Variants in ASAP1 observed in about 807,000 individuals in gnomAD.
ASAP1 encodes arf-GAP with SH3 domain, ANK repeat and PH domain-containing protein 1.
Under a neutral mutation model 145.2 loss-of-function variants are expected in ASAP1, and 43 were observed. The observed-to-expected ratio is 0.30, with a 90% CI of 0.23 to 0.38. The LOEUF is 0.38. ASAP1 is among the 10% of genes least tolerant of loss of function. The probability of loss-of-function intolerance (pLI) is 1.00; values close to 1 mark genes in which losing one functional copy is unlikely to be tolerated. For synonymous variants in ASAP1, 546 were observed against 515.5 expected (o/e 1.06, Z -0.80); for missense variants, 1,018 against 1,355.3 (o/e 0.75, Z 3.91).
intron 18 of ASAP1, among the ~76,000 whole-genome samples, chr8:130,120,565 C>A (rs896071711): frequency 6.6e-6 from 1 of 152,174 alleles, no homozygotes; most frequent in Non-Finnish European, 1.5e-5. Flanking sequence ...CTTAAAGATG[C>A]AAAGTTGCGG....
intron 3 of ASAP1, among the ~76,000 whole-genome samples, chr8:130,264,806 G>A (rs1284489794): frequency 1.3e-5 from 2 of 152,104 alleles, no homozygotes; most frequent in Non-Finnish European, 2.9e-5. Context: ...GTCAACACAC[G>A]ATGATCACTA....
intron 2 of ASAP1, among the ~76,000 whole-genome samples, chr8:130,369,077 G>T (rs879847683): frequency 1.3e-5 from 2 of 152,196 alleles, no homozygotes; most frequent in African/African-American, 2.4e-5. Context: ...TCAAAGGATT[G>T]TTATACAGAA....
chr8:130,323,799 C>T (rs1344957876), intron 3 of ASAP1, among the ~76,000 whole-genome samples: 1 of 152,186 alleles, frequency 6.6e-6, no homozygotes, highest in Non-Finnish European at 1.5e-5. Flanking sequence ...CAATAAGCAT[C>T]TCCCCTCTAG....
At chr8:130,237,840 A>C (rs1412329117) in intron 3 of ASAP1, among the ~76,000 whole-genome samples, 9 of 152,138 alleles carry the variant, frequency 5.9e-5, no homozygotes, top group Non-Finnish European at 1.3e-4. Flanking sequence ...CACTGGACTA[A>C]CTTGTTAAAA....
chr8:130,122,023 C>T (rs940968990), intron 18 of ASAP1, among the ~76,000 whole-genome samples: 3 of 152,050 alleles, frequency 2.0e-5, no homozygotes, highest in African/African-American at 4.8e-5. Context: ...TGCCTTACTG[C>T]CCCTTGGGGC....
Position 130,115,635 on chromosome 8 carries a change from T to A in ASAP1, c.2165A>T (p.Asp722Val). ...EEIDESDDDL[D>V]DKPSPIKKER... Reference sequence around the variant, plus strand: ...GACATAATTTACACTCACTTTGTCATCCAGATCATCATCGCTCTCATCTAT... The same window carrying A: ...GACATAATTTACACTCACTTTGTCAACCAGATCATCATCGCTCTCATCTAT... The change falls in exon 23 of 30, where the codon GAT becomes GTT. Residue 722 changes from aspartate to valine, a missense_variant. Asp to Val is a radical substitution (Grantham distance 152). This residue lies in a region of ASAP1 where 353 missense variants were observed against 375.4 expected (regional missense o/e 0.94). Coordinates refer to ENST00000518721, the MANE Select transcript of ASAP1 (RefSeq NM_018482.4). 1 of 1,612,708 alleles carries A rather than the reference T, an allele frequency of 6.2e-7. No individual in the cohort carries two copies. Among genetic ancestry groups the A allele is most frequent in the Non-Finnish European group, 8.5e-7 (1 of 1,178,756 alleles).
rs185075424 is a variant in ASAP1 at position 130,430,332 on chromosome 8, T to C, written c.-28+13128A>G. ...AAACCTGTGTGTTTGTACGTACGTA[T>C]GTGTTAGGATGGCACTTTAATGTAT... On this transcript the variant is annotated intron_variant, in intron 1 of 29. Coordinates refer to ENST00000518721, the MANE Select transcript of ASAP1 (RefSeq NM_018482.4). 8.2e-3 allele frequency among the ~76,000 whole-genome samples: 1,256 copies of C among 152,354 alleles called. 7 individuals carry two copies. Among genetic ancestry groups the C allele is most frequent in the Non-Finnish European group, 0.014 (984 of 68,044 alleles).
At chr8:130,270,757 G>GA (rs1197884665) in intron 3 of ASAP1, among the ~76,000 whole-genome samples, 1 of 152,116 alleles carries the variant, frequency 6.6e-6, no homozygotes, top group Admixed American at 6.5e-5. Context: ...AAGCTGCTGG[G>GA]AAAAAACAGT....
At chr8:130,293,931 T>C (rs1329093145) in intron 3 of ASAP1, among the ~76,000 whole-genome samples, 1 of 152,160 alleles carries the variant, frequency 6.6e-6, no homozygotes. Context: ...AAACAGACTT[T>C]CCTCCTGCCA....
At chr8:130,245,632 T>G (rs1189271482) in intron 3 of ASAP1, among the ~76,000 whole-genome samples, 1 of 152,200 alleles carries the variant, frequency 6.6e-6, no homozygotes, top group East Asian at 1.9e-4. Flanking sequence ...TCTGCTCTCC[T>G]ACGTAGGCAT....
At chr8:130,255,242 G>A (rs1216237292) in intron 3 of ASAP1, among the ~76,000 whole-genome samples, 11 of 152,126 alleles carry the variant, frequency 7.2e-5, no homozygotes, top group Non-Finnish European at 4.4e-5. Flanking sequence ...AAAACTCCAA[G>A]ACAAGTTCCT....
chr8:130,089,508 C>A (rs117090079), intron 25 of ASAP1, among the ~76,000 whole-genome samples: 2 of 152,154 alleles, frequency 1.3e-5, no homozygotes, highest in Non-Finnish European at 2.9e-5. Flanking sequence ...TGGAAAGGTG[C>A]GTCCACAGAC....
chr8:130,071,008 G>GA (rs1390291711), intron 27 of ASAP1, among the ~76,000 whole-genome samples: 413 of 38,342 alleles, frequency 0.011, 75 homozygotes, highest in African/African-American at 0.048. Context: ...AGAGGGGAGG[G>GA]GGGGAGAGAG....
At chr8:130,407,030 C>T (rs1829061543) in intron 1 of ASAP1, among the ~76,000 whole-genome samples, 1 of 152,114 alleles carries the variant, frequency 6.6e-6, no homozygotes, top group South Asian at 2.1e-4. Flanking sequence ...AAGGAAAGTA[C>T]CTACCTCATG....
intron 3 of ASAP1, among the ~76,000 whole-genome samples, chr8:130,304,814 A>G (rs546645733): frequency 2.6e-5 from 4 of 152,332 alleles, no homozygotes; most frequent in Admixed American, 2.6e-4. Flanking sequence ...TAAATATGGT[A>G]ATTCAGTGCT....
chr8:130,139,547 G>C (rs1025295411), intron 13 of ASAP1, among the ~76,000 whole-genome samples: 1 of 151,438 alleles, frequency 6.6e-6, no homozygotes, highest in African/African-American at 2.4e-5. Flanking sequence ...CCAACGTGGC[G>C]AAACCCCGTT....
chr8:130,285,864 G>A (rs1821578257), intron 3 of ASAP1, among the ~76,000 whole-genome samples: 1 of 152,178 alleles, frequency 6.6e-6, no homozygotes, highest in Non-Finnish European at 1.5e-5. Flanking sequence ...TACCAACAAT[G>A]TTCCAATACT....
At chr8:130,429,003 G>A (rs1450430554) in intron 1 of ASAP1, among the ~76,000 whole-genome samples, 1 of 152,184 alleles carries the variant, frequency 6.6e-6, no homozygotes, top group East Asian at 1.9e-4. Flanking sequence ...CCTGGCTTGT[G>A]GTGGTTGCCA....
chr8:130,392,817 A>T (rs1160190060), intron 2 of ASAP1, among the ~76,000 whole-genome samples: 1 of 152,046 alleles, frequency 6.6e-6, no homozygotes, highest in African/African-American at 2.4e-5. Flanking sequence ...AGGGGCTGGG[A>T]TCTTTTAAAC....
Sources: gnomAD v4.1 joint callset for allele counts (sites outside exome capture counted in the v4.1 genomes callset) on GRCh38, gnomAD v4.1.1 for gene constraint, gnomAD v4.1.1 regional missense constraint, MANE v1.5 for transcripts, NCBI Gene and HGNC (gene_info 2026-07-23, HGNC 2026-07-21) for gene names.